The following CLVS2 variants were observed in gnomAD, a reference collection of about 807,000 sequenced individuals.
CLVS2 encodes clavesin-2.
Under a neutral mutation model 29.0 loss-of-function variants are expected in CLVS2, and 19 were observed. The ratio of observed to expected loss-of-function variants is 0.66; its 90% CI spans 0.46 to 0.96. CLVS2 has a LOEUF of 0.96. Among genes scored for constraint, CLVS2 ranks in the 40% least tolerant of loss-of-function variants. The pLI is 0.00. For synonymous variants in CLVS2, 161 were observed against 151.3 expected (o/e 1.06, Z -0.47); for missense variants, 294 against 404.1 (o/e 0.73, Z 2.34).
chr6:123,053,719 G>A lies in CLVS2; in HGVS notation c.676-2087G>A, dbSNP rs76477709. On this transcript the variant is annotated intron_variant, in intron 4 of 5. Coordinates refer to ENST00000275162, the MANE Select transcript of CLVS2 (RefSeq NM_001010852.4). ...AGCAACTGGAGATGGAAGTAGGGCC[G>A]AGAGAGGTTTTATGTGTCTGTGTGG... 2.0e-3 allele frequency among the ~76,000 whole-genome samples: 312 copies of A among 152,272 alleles called. 3 individuals carry two copies. The highest frequency in any genetic ancestry group is 7.2e-3 in the African/African-American group (298 of 41,580).
In CLVS2 at chr6:123,041,355, C is replaced by T. The variant is rs566153833; in HGVS notation, c.565-7267C>T. ...ACCTGTTCTCCCTACAGTAAATGCC[C>T]GCCCACAGTTTAAAGAACACAATTT... On this transcript the variant is annotated intron_variant, in intron 3 of 5. Transcript: ENST00000275162. Among the ~76,000 whole-genome samples, 165 of 152,132 alleles carry T rather than the reference C, an allele frequency of 1.1e-3. 2 individuals are homozygous for T. Among genetic ancestry groups the T allele is most frequent in the Admixed American group, 1.2e-3 (18 of 15,272 alleles).
At chr6:123,023,661 G>A (rs1176204781) in intron 3 of CLVS2, among the ~76,000 whole-genome samples, 1 of 152,018 alleles carries the variant, frequency 6.6e-6, no homozygotes, top group East Asian at 1.9e-4. Context: ...TTGATTATCT[G>A]CCTTCTTCAT....
chr6:123,005,009 T>A (rs1026095952), intron 2 of CLVS2, among the ~76,000 whole-genome samples: 4 of 151,768 alleles, frequency 2.6e-5, no homozygotes, highest in Non-Finnish European at 4.4e-5. Context: ...GGAGGCACCA[T>A]GGAGAGGGAA....
chr6:123,058,730 A>T (rs1024911059), intron 5 of CLVS2, among the ~76,000 whole-genome samples: 1 of 152,110 alleles, frequency 6.6e-6, no homozygotes, highest in African/African-American at 2.4e-5. Context: ...GGCTCACTGC[A>T]GCCTCCAACT....
chr6:123,056,325 C>G (rs2114363840), intron 5 of CLVS2, among the ~76,000 whole-genome samples: 1 of 152,176 alleles, frequency 6.6e-6, no homozygotes, highest in South Asian at 2.1e-4. Flanking sequence ...TTCTTCCTGT[C>G]TAATTGAAAC....
Position 123,036,078 on chromosome 6 carries a change from A to C in CLVS2, c.565-12544A>C, listed in dbSNP as rs528477891. ...AGTATAAACACTCCAATTCCATTGT[A>C]AAATTTGAGGGAATGGAAGCATTGA... On this transcript the variant is annotated intron_variant, in intron 3 of 5. Transcript: ENST00000275162. Among the ~76,000 whole-genome samples, 7 of 152,270 alleles carry C rather than the reference A, an allele frequency of 4.6e-5. No individual in the cohort carries two copies. In the East Asian group the frequency reaches 1.4e-3, roughly 29 times the overall value.
chr6:123,031,104 T>C (rs75944460), intron 3 of CLVS2, among the ~76,000 whole-genome samples: 10 of 151,642 alleles, frequency 6.6e-5, no homozygotes, highest in Non-Finnish European at 1.5e-4. Flanking sequence ...AGCTAACTTG[T>C]TGTATTTTTT....
intron 3 of CLVS2, among the ~76,000 whole-genome samples, chr6:123,031,724 T>C (rs1488831076): frequency 6.6e-6 from 1 of 152,018 alleles, no homozygotes. Context: ...TCCAGAAGAT[T>C]GTCAGGGAGT....
chr6:123,050,775 T>C (rs1320836486), intron 4 of CLVS2, among the ~76,000 whole-genome samples: 1 of 152,158 alleles, frequency 6.6e-6, no homozygotes, highest in Non-Finnish European at 1.5e-5. Context: ...TTGAAGGTCA[T>C]TGAATACAGG....
At chr6:123,045,913 A>G (rs994580091) in intron 3 of CLVS2, among the ~76,000 whole-genome samples, 1 of 152,146 alleles carries the variant, frequency 6.6e-6, no homozygotes, top group African/African-American at 2.4e-5. Flanking sequence ...ATCTTAAGGG[A>G]TTAGTAAAAC....
chr6:123,027,446 T>C (rs758614850), intron 3 of CLVS2, among the ~76,000 whole-genome samples: 46 of 152,168 alleles, frequency 3.0e-4, no homozygotes, highest in Non-Finnish European at 5.6e-4. Context: ...GAGATAGTTT[T>C]GTCTACGTCC....
chr6:123,002,776 T>C (rs1774609257), intron 2 of CLVS2, among the ~76,000 whole-genome samples: 1 of 152,196 alleles, frequency 6.6e-6, no homozygotes, highest in East Asian at 1.9e-4. Context: ...TATTAAATAA[T>C]TCCCAGCTTT....
rs75673064 is a variant in CLVS2 at position 123,062,618 on chromosome 6, A to G, written c.897-1056A>G. 5.4e-3 allele frequency among the ~76,000 whole-genome samples: 829 copies of G among 152,190 alleles called. 8 individuals are homozygous for G. The highest frequency in any genetic ancestry group is 0.012 in the East Asian group (62 of 5,162). ...CATTCCCTCTTTAGGAAATAATTTA[A>G]GTTTATTTAAATTTAATCAGTTTAT... On this transcript the variant is annotated intron_variant, in intron 5 of 5. Transcript: ENST00000275162.
intron 5 of CLVS2, among the ~76,000 whole-genome samples, chr6:123,060,567 A>T (rs1772760360): frequency 6.6e-6 from 1 of 152,202 alleles, no homozygotes; most frequent in African/African-American, 2.4e-5. Flanking sequence ...TTTTATTGAT[A>T]GAGAGACTGA....
At position 123,055,953 on chromosome 6, in the gene CLVS2, G is replaced by C; in HGVS notation, c.823G>C (p.Glu275Gln). 1 of 1,614,014 alleles carries C rather than the reference G, an allele frequency of 6.2e-7. No homozygotes were observed. The highest frequency in any genetic ancestry group is 8.5e-7 in the Non-Finnish European group (1 of 1,179,958). The change falls in exon 5 of 6, where the codon GAG (glutamate) becomes CAG (glutamine). Residue 275 changes from glutamate (E) to glutamine (Q), a missense_variant. Physicochemically the swap from Glu to Gln is conservative, Grantham distance 29. This residue lies in a region of CLVS2 where 82 missense variants were observed against 67.8 expected (regional missense o/e 1.21). Coordinates refer to ENST00000275162, the MANE Select transcript of CLVS2 (RefSeq NM_001010852.4). ...LLDHEYDDDS[E>Q]YNVDSYSMPV... ...AGACCATGAATATGACGATGACAGC[G>C]AGTACAATGTAGACTCCTACAGCAT...
In CLVS2 at chr6:123,072,663, T is replaced by C. The variant is rs759797464; in HGVS notation, c.*8902T>C. ...TATACACAGCACATGAAAGATCCTA[T>C]AGTTCATGTTCTCTTAGGTTGAATT... On this transcript the variant is annotated 3_prime_UTR_variant, in exon 6 of 6. Coordinates refer to ENST00000275162, the MANE Select transcript of CLVS2 (RefSeq NM_001010852.4). 4.6e-5 allele frequency: 7 copies of C among 152,132 alleles called. No homozygotes were observed. The highest frequency in any genetic ancestry group is 7.4e-5 in the Non-Finnish European group (5 of 67,976). The allele number at this position is 152,132 out of a possible 1,614,324, so 9.4% of individuals were successfully genotyped here.
intron 3 of CLVS2, among the ~76,000 whole-genome samples, chr6:123,018,768 C>A (rs375220160): frequency 6.0e-5 from 9 of 149,950 alleles, no homozygotes; most frequent in African/African-American, 2.0e-4. Flanking sequence ...TCTTTGGTTT[C>A]ATCCTGGGAT....
Position 122,996,681 on chromosome 6 carries a change from G to T in CLVS2, c.-625G>T. 6.0e-6 allele frequency: 1 copy of T among 166,496 alleles called. No individual in the cohort carries two copies. 10.3% of individuals were successfully genotyped at this position (166,496 alleles called of 1,614,324 possible). A position where few individuals can be genotyped will look rare whatever the true frequency, so the allele number is the denominator to read the frequency against. On this transcript the variant is annotated 5_prime_UTR_variant, in exon 1 of 6. Coordinates refer to ENST00000275162, the MANE Select transcript of CLVS2 (RefSeq NM_001010852.4). Reference sequence around the variant, plus strand: ...CGCTGTCGCCGCCGCCGCCGCTGCTGAAGCCGCGGCTGATGGATGCCAGGG... The same window carrying T: ...CGCTGTCGCCGCCGCCGCCGCTGCTTAAGCCGCGGCTGATGGATGCCAGGG...
chr6:123,066,337 T>C lies in CLVS2; in HGVS notation c.*2576T>C. ...TGTATTTTAATTGCAATAGTATACC[T>C]CCACTCTCTCTCTCTCTCTCATACA... On this transcript the variant is annotated 3_prime_UTR_variant, in exon 6 of 6. Transcript: ENST00000275162. The C allele has an allele frequency of 6.8e-6, 1 of 147,294 alleles. No individual in the cohort carries two copies. Among genetic ancestry groups the C allele is most frequent in the Non-Finnish European group, 1.5e-5 (1 of 66,840 alleles). 9.1% of individuals were successfully genotyped at this position (147,294 alleles called of 1,614,324 possible).
Sources: gnomAD v4.1 joint callset for allele counts (sites outside exome capture counted in the v4.1 genomes callset) on GRCh38, gnomAD v4.1.1 for gene constraint, gnomAD v4.1.1 regional missense constraint, MANE v1.5 for transcripts, NCBI Gene and HGNC (gene_info 2026-07-23, HGNC 2026-07-21) for gene names.